Variants in PCDHGA2 observed in about 807,000 individuals in gnomAD.
The protein encoded by PCDHGA2 is protocadherin gamma subfamily A, 2.
A neutral mutation model predicts 59.2 loss-of-function variants in PCDHGA2; 40 were observed. That is an observed-to-expected ratio of 0.68 (90% CI 0.52 to 0.88). The LOEUF (loss-of-function observed/expected upper bound fraction) is 0.88, where lower values mean the gene tolerates loss of function less well. Ranked by LOEUF, PCDHGA2 falls within the 40% of genes least tolerant of loss-of-function variation. PCDHGA2 has a pLI of 0.00. For missense variants in PCDHGA2, 1,226 were observed against 1,204.0 expected (o/e 1.02, Z -0.27); for synonymous variants, 560 against 526.0 (o/e 1.06, Z -0.89).
intron 2 of PCDHGA2, among the ~76,000 whole-genome samples, chr5:141,497,050 G>A (rs113054804): frequency 6.6e-5 from 10 of 152,096 alleles, no homozygotes; most frequent in East Asian, 5.8e-4. Context: ...TTAGCCAGGC[G>A]TGGTGGCAGG....
chr5:141,374,863 A>C (rs1588752717), intron 1 of PCDHGA2: 1 of 1,613,784 alleles, frequency 6.2e-7, no homozygotes, highest in Non-Finnish European at 8.5e-7. Context: ...TAGGCACACC[A>C]GTGTTGGCAG....
At chr5:141,467,495 C>T (rs1161557245) in intron 1 of PCDHGA2, among the ~76,000 whole-genome samples, 1 of 152,140 alleles carries the variant, frequency 6.6e-6, no homozygotes, top group Non-Finnish European at 1.5e-5. Context: ...ATTTAGATCC[C>T]TGATCTAATT....
rs181480719 is a variant in PCDHGA2, at chr5:141,387,482, G to A, written c.2424+46087G>A. 5.3e-5 allele frequency among the ~76,000 whole-genome samples: 8 copies of A among 152,294 alleles called. No individual in the cohort carries two copies. The East Asian group carries it at 1.5e-3, about 29-fold the overall frequency. On this transcript the variant is annotated intron_variant, in intron 1 of 3. Coordinates refer to ENST00000394576, the MANE Select transcript of PCDHGA2 (RefSeq NM_018915.4). ...AAAAATCCTCAAAGTTGGGATGAAG[G>A]CATTCCTAAGAGTACATTTTTAGAC...
At chr5:141,472,040 G>T (rs1431219928) in intron 1 of PCDHGA2, among the ~76,000 whole-genome samples, 4 of 152,018 alleles carry the variant, frequency 2.6e-5, no homozygotes, top group Non-Finnish European at 5.9e-5. Flanking sequence ...GCTGTGAAAA[G>T]ATTTTAAAAA....
intron 1 of PCDHGA2, among the ~76,000 whole-genome samples, chr5:141,358,035 A>C (rs1288596535): frequency 6.6e-6 from 1 of 152,126 alleles, no homozygotes; most frequent in Non-Finnish European, 1.5e-5. Context: ...ACTAAAATAC[A>C]AAAAGTTAGC....
chr5:141,394,128 G>T, intron 1 of PCDHGA2: 10 of 1,613,730 alleles, frequency 6.2e-6, no homozygotes, highest in Non-Finnish European at 5.9e-6. Context: ...AACTCAAATC[G>T]CTCTGCACGT....
chr5:141,452,791 C>T (rs1202677389), intron 1 of PCDHGA2, among the ~76,000 whole-genome samples: 2 of 152,156 alleles, frequency 1.3e-5, no homozygotes, highest in Non-Finnish European at 2.9e-5. Context: ...AACATACCAT[C>T]ATTTTTGCTG....
At chr5:141,427,972 C>T (rs1368719718) in intron 1 of PCDHGA2, 1 of 1,593,948 alleles carries the variant, frequency 6.3e-7, no homozygotes, top group South Asian at 1.1e-5. Flanking sequence ...GTGCTGTACC[C>T]CGCGCTGGGG....
intron 1 of PCDHGA2, chr5:141,343,972 G>A: frequency 7.2e-7 from 1 of 1,390,454 alleles, no homozygotes; most frequent in Non-Finnish European, 9.7e-7. Context: ...GAGAAAATAA[G>A]ATTGGAGTCC....
At position 141,491,299 on chromosome 5, in the gene PCDHGA2, C is replaced by T. The variant is rs777271881; in HGVS notation, c.2425-3508C>T. ...TGACTTCCTCATACACCCTCCTGAG[C>T]GTTCAGACCTTACCCTTTACCTCAT... On this transcript the variant is annotated intron_variant, in intron 1 of 3. Transcript: ENST00000394576. This position sits in a 1 kb window ranked among gnomAD's most constrained non-coding sequence, Gnocchi z 6.9. 3.7e-6 allele frequency: 6 copies of T among 1,614,068 alleles called. No individual in the cohort carries two copies. Among genetic ancestry groups the T allele is most frequent in the Non-Finnish European group, 5.1e-6 (6 of 1,179,896 alleles).
intron 1 of PCDHGA2, chr5:141,419,261 G>A (rs758952830): frequency 1.3e-5 from 21 of 1,613,864 alleles, no homozygotes; most frequent in Non-Finnish European, 1.7e-5. Context: ...CAACCAGCCG[G>A]GTGCCTCCAT....
At chr5:141,444,380 A>G (rs1475986922) in intron 1 of PCDHGA2, among the ~76,000 whole-genome samples, 1 of 151,876 alleles carries the variant, frequency 6.6e-6, no homozygotes, top group Non-Finnish European at 1.5e-5. Context: ...CATGTTGGTC[A>G]GGCTAGTCTT....
intron 1 of PCDHGA2, among the ~76,000 whole-genome samples, chr5:141,448,948 A>C (rs918513864): frequency 6.6e-6 from 1 of 152,170 alleles, no homozygotes; most frequent in African/African-American, 2.4e-5. Flanking sequence ...GCAACTCAAA[A>C]AAACAAACAA....
rs1290674122 is a variant in PCDHGA2 at position 141,489,521 on chromosome 5, G to A, written c.2425-5286G>A. 3 of 1,613,988 alleles carry A rather than the reference G, an allele frequency of 1.9e-6. No individual in the cohort carries two copies. The highest frequency in any genetic ancestry group is 2.2e-5 in the East Asian group (1 of 44,886). On this transcript the variant is annotated intron_variant, in intron 1 of 3. Coordinates refer to ENST00000394576, the MANE Select transcript of PCDHGA2 (RefSeq NM_018915.4). This position sits in a 1 kb window ranked among gnomAD's most constrained non-coding sequence, Gnocchi z 4.5. ...GTGAATCAAAAGATTGACCGAGAAAGCCTATGTGGAGCCAGCACCAGCTGC... is the reference window on the plus strand; with the variant it reads ...GTGAATCAAAAGATTGACCGAGAAAACCTATGTGGAGCCAGCACCAGCTGC...
intron 1 of PCDHGA2, among the ~76,000 whole-genome samples, chr5:141,469,212 G>A (rs114294512): frequency 0.021 from 3,174 of 151,360 alleles, 54 homozygotes; most frequent in Non-Finnish European, 0.032. Flanking sequence ...TTGAAGTTGA[G>A]GCTTCAGTGA....
At position 141,431,808 on chromosome 5, in the gene PCDHGA2, C is replaced by A. The variant is rs2097419249; in HGVS notation, c.2425-62999C>A. Reference sequence around the variant, plus strand: ...GACAATGCCCCAGAAGTGGTCCTCACCTCTCTCGCCAGCTCGGTTCCCGAA... The same window carrying A: ...GACAATGCCCCAGAAGTGGTCCTCAACTCTCTCGCCAGCTCGGTTCCCGAA... On this transcript the variant is annotated intron_variant, in intron 1 of 3. Transcript: ENST00000394576. The surrounding 1 kb of genome is among the most constrained non-coding windows in gnomAD (Gnocchi z 4.8). The A allele has an allele frequency of 6.2e-7, 1 of 1,614,236 alleles. No individual in the cohort carries two copies. Among genetic ancestry groups the A allele is most frequent in the Non-Finnish European group, 8.5e-7 (1 of 1,180,040 alleles).
At chr5:141,422,942 G>A (rs199976232) in intron 1 of PCDHGA2, 5 of 1,614,096 alleles carry the variant, frequency 3.1e-6, no homozygotes, top group Non-Finnish European at 4.2e-6. Flanking sequence ...CCCACAGACG[G>A]CTCCACTGGC....
chr5:141,413,417 T>A (rs777399697), intron 1 of PCDHGA2: 1 of 1,614,086 alleles, frequency 6.2e-7, no homozygotes, highest in Non-Finnish European at 8.5e-7. Context: ...CTTTTCTCTC[T>A]GAACCCGCGC....
At chr5:141,375,244 G>A (rs527726605) in intron 1 of PCDHGA2, 1 of 1,613,890 alleles carries the variant, frequency 6.2e-7, no homozygotes, top group Admixed American at 1.7e-5. Context: ...GTTCCATCCC[G>A]AGAAGTCTCC....
Sources: allele counts gnomAD v4.1 joint callset (sites outside exome capture counted in the v4.1 genomes callset), GRCh38; gene constraint gnomAD v4.1.1; non-coding constraint Gnocchi (gnomAD v3.1); transcripts MANE v1.5; gene names NCBI Gene and HGNC (gene_info 2026-07-23, HGNC 2026-07-21).